The following TTC28 variants were observed in gnomAD, a reference collection of about 807,000 sequenced individuals.
TTC28 encodes the protein tetratricopeptide repeat protein 28.
In TTC28, 61 loss-of-function variants were observed where a neutral mutation model predicts 198.0. The ratio of observed to expected loss-of-function variants is 0.31; its 90% confidence interval spans 0.25 to 0.38. TTC28 has a LOEUF of 0.38. Among genes scored for constraint, TTC28 ranks in the 10% least tolerant of loss-of-function variants. The probability of loss-of-function intolerance (pLI) is 1.00; values close to 1 mark genes in which losing one functional copy is unlikely to be tolerated. For synonymous variants in TTC28, 1,171 were observed against 1,297.8 expected (o/e 0.90, Z 2.10); for missense variants, 2,678 against 3,164.0 (o/e 0.85, Z 3.69).
At chr22:28,326,684 G>A (rs1037872528) in intron 2 of TTC28, among the ~76,000 whole-genome samples, 2 of 152,120 alleles carry the variant, frequency 1.3e-5, no homozygotes, top group Non-Finnish European at 2.9e-5. Flanking sequence ...ACAGTTTTAT[G>A]ACAGCAAGGT....
At chr22:28,576,482 G>A (rs1215010871) in intron 2 of TTC28, among the ~76,000 whole-genome samples, 1 of 151,922 alleles carries the variant, frequency 6.6e-6, no homozygotes, top group Non-Finnish European at 1.5e-5. Context: ...TTTTCGTAGT[G>A]GTAATATTAG....
At chr22:28,546,739 GATAA>G (rs1294353199) in intron 2 of TTC28, among the ~76,000 whole-genome samples, 4 of 152,076 alleles carry the variant, frequency 2.6e-5, no homozygotes, top group African/African-American at 7.2e-5. Flanking sequence ...CAAGTAAATA[GATAA>G]ATAAATTGTA....
At chr22:28,679,341 G>A (rs1392851677) in intron 1 of TTC28, among the ~76,000 whole-genome samples, 1 of 152,146 alleles carries the variant, frequency 6.6e-6, no homozygotes, top group Non-Finnish European at 1.5e-5. Flanking sequence ...GGCGCATTAG[G>A]CGCTGACTGT....
intron 5 of TTC28, among the ~76,000 whole-genome samples, chr22:28,247,305 A>G (rs919861025): frequency 2.0e-5 from 3 of 152,166 alleles, no homozygotes; most frequent in Admixed American, 6.5e-5. Context: ...TTCAGCATGA[A>G]CTTTCTCATG....
At chr22:28,303,234 T>C (rs550397412) in intron 3 of TTC28, among the ~76,000 whole-genome samples, 33 of 152,314 alleles carry the variant, frequency 2.2e-4, no homozygotes, top group South Asian at 4.1e-4. Context: ...AGTAATAGTA[T>C]GCTACAACAC....
intron 2 of TTC28, among the ~76,000 whole-genome samples, chr22:28,505,100 C>CA (rs1266067802): frequency 2.6e-5 from 4 of 151,158 alleles, no homozygotes; most frequent in Admixed American, 6.6e-5. Flanking sequence ...ATTAAAAATA[C>CA]AAAAAAAGTA....
At chr22:28,442,269 G>T (rs2047635115) in intron 2 of TTC28, among the ~76,000 whole-genome samples, 1 of 152,144 alleles carries the variant, frequency 6.6e-6, no homozygotes, top group African/African-American at 2.4e-5. Flanking sequence ...AATGGCCAGC[G>T]CAGGCAATCG....
chr22:28,467,904 G>A (rs2048045135), intron 2 of TTC28, among the ~76,000 whole-genome samples: 1 of 152,052 alleles, frequency 6.6e-6, no homozygotes, highest in South Asian at 2.1e-4. Flanking sequence ...TGGGACCACA[G>A]GCGCATGCCA....
chr22:28,290,778 G>T (rs993780925), intron 5 of TTC28, among the ~76,000 whole-genome samples: 3 of 151,970 alleles, frequency 2.0e-5, no homozygotes, highest in Non-Finnish European at 2.9e-5. Flanking sequence ...CAGGCATGGT[G>T]GCATGCACCC....
chr22:28,514,931 C>A (rs1448671283), intron 2 of TTC28, among the ~76,000 whole-genome samples: 3 of 152,166 alleles, frequency 2.0e-5, no homozygotes, highest in Non-Finnish European at 4.4e-5. Context: ...AAATAAAAAT[C>A]TTTGTAATCC....
In TTC28 at chr22:28,527,255, GC is replaced by G. The variant is rs1344107568; in HGVS notation, c.381+102296del. Among the ~76,000 whole-genome samples, 4 of 152,232 alleles carry G rather than the reference GC, an allele frequency of 2.6e-5. No individual in the cohort carries two copies. The East Asian group carries it at 7.7e-4, about 29-fold the overall frequency. ...TTTCAGGATTCCTGCCCACACTGGT[GC>G]CCCAACTCCCTCTACTCACTCCCTC... On this transcript the variant is annotated intron_variant, in intron 2 of 22. Coordinates refer to ENST00000397906, the MANE Select transcript of TTC28 (RefSeq NM_001145418.2).
chr22:28,297,974 T>C (rs905196889), intron 3 of TTC28, 122 bp from the exon 4 acceptor site: 10 of 1,156,028 alleles, frequency 8.7e-6, no homozygotes, highest in Non-Finnish European at 1.1e-5. Context: ...ATTTCAAGTA[T>C]AAACTCTTCA....
chr22:28,099,076 C>T (rs1942061545), intron 9 of TTC28, 32 bp from the exon 10 acceptor site: 1 of 1,550,954 alleles, frequency 6.4e-7, no homozygotes, highest in African/African-American at 1.4e-5. Flanking sequence ...ATCATCCATT[C>T]CCCAGAAACC....
intron 2 of TTC28, among the ~76,000 whole-genome samples, chr22:28,624,417 T>G (rs1413338330): frequency 6.6e-6 from 1 of 151,712 alleles, no homozygotes; most frequent in Non-Finnish European, 1.5e-5. Flanking sequence ...AACATCACTA[T>G]GGATTCTTCA....
intron 14 of TTC28, chr22:28,008,627 G>A (rs927844672): frequency 3.3e-5 from 5 of 152,196 alleles, no homozygotes; most frequent in African/African-American, 9.7e-5. Flanking sequence ...AAACTCCAAG[G>A]ATCCTGAAAG....
intron 12 of TTC28, among the ~76,000 whole-genome samples, chr22:28,093,437 C>G (rs930174445): frequency 6.6e-6 from 1 of 152,254 alleles, no homozygotes; most frequent in Non-Finnish European, 1.5e-5. Context: ...CCTGGGAAAT[C>G]TGGTTACAAC....
intron 3 of TTC28, among the ~76,000 whole-genome samples, chr22:28,304,060 A>C (rs952181648): frequency 2.6e-5 from 4 of 152,036 alleles, no homozygotes; most frequent in African/African-American, 9.7e-5. Flanking sequence ...CCAAGGTGGG[A>C]GGATCACGAG....
At chr22:28,294,181 G>A (rs922895159) in intron 5 of TTC28, among the ~76,000 whole-genome samples, 5 of 152,126 alleles carry the variant, frequency 3.3e-5, no homozygotes, top group Non-Finnish European at 7.3e-5. Flanking sequence ...TATGCAAAGG[G>A]CAATTTTGGA....
intron 6 of TTC28, among the ~76,000 whole-genome samples, chr22:28,139,186 C>T (rs921470834): frequency 6.6e-6 from 1 of 152,052 alleles, no homozygotes; most frequent in African/African-American, 2.4e-5. Context: ...TCCTGAGTCT[C>T]GAAAGGCCTA....
Sources: allele counts gnomAD v4.1 joint callset (sites outside exome capture counted in the v4.1 genomes callset), GRCh38; gene constraint gnomAD v4.1.1; transcripts MANE v1.5; gene names NCBI Gene and HGNC (gene_info 2026-07-23, HGNC 2026-07-21).